Variants in MBNL2 observed in about 807,000 individuals in gnomAD.
MBNL2 encodes the protein muscleblind like splicing regulator 2.
A neutral mutation model predicts 41.9 loss-of-function variants in MBNL2; 17 were observed. That is an observed-to-expected ratio of 0.41 (90% CI 0.28 to 0.61). The LOEUF (loss-of-function observed/expected upper bound fraction) is 0.61, where lower values mean the gene tolerates loss of function less well. Among genes scored for constraint, MBNL2 ranks in the 20% least tolerant of loss-of-function variants. MBNL2 has a pLI of 0.35. For synonymous variants in MBNL2, 195 were observed against 182.9 expected (o/e 1.07, Z -0.53); for missense variants, 336 against 505.6 (o/e 0.66, Z 3.22).
At chr13:97,186,296 C>A in the MBNL2 span, among the ~76,000 whole-genome samples, 46 of 152,282 alleles carry the variant, frequency 3.0e-4, no homozygotes, top group Non-Finnish European at 6.3e-4. Flanking sequence ...AATCCTGCCC[C>A]TTCTCCTGTA....
Position 97,346,657 on chromosome 13 carries a change from C to T in MBNL2, c.541-147C>T, listed in dbSNP as rs2061899430. 1.7e-6 allele frequency: 1 copy of T among 605,012 alleles called. No individual in the cohort carries two copies. The highest frequency in any genetic ancestry group is 2.9e-5 in the East Asian group (1 of 34,862). The allele number at this position is 605,012 out of a possible 1,614,324, so 37.5% of individuals were successfully genotyped here. The stretch of plus-strand genomic sequence containing the variant: ...GTGTCAGAGATTGTGGTTACCTGGG[C>T]TCCGCATAATCAATCTTTTCTTGTC... On this transcript the variant is annotated intron_variant, in intron 4 of 8. Transcript: ENST00000679496. The surrounding 1 kb of genome is among the most constrained non-coding windows in gnomAD (Gnocchi z 4.2).
rs186626881 is a variant in MBNL2 at position 97,369,933 on chromosome 13, C to A, written c.1048+4762C>A. On this transcript the variant is annotated intron_variant, in intron 8 of 8. Transcript: ENST00000679496. ...TTCTGTTTCAGTTAAGGTATTTGGGCCTTAATAGACAAATTATACCTAATA... is the reference window on the plus strand; with the variant it reads ...TTCTGTTTCAGTTAAGGTATTTGGGACTTAATAGACAAATTATACCTAATA... 3.3e-5 allele frequency among the ~76,000 whole-genome samples: 5 copies of A among 152,054 alleles called. No individual in the cohort carries two copies. In the East Asian group the frequency reaches 7.7e-4, roughly 24 times the overall value.
intron 1 of MBNL2, among the ~76,000 whole-genome samples, chr13:97,224,016 A>C (rs1170817607): frequency 1.3e-5 from 2 of 152,326 alleles, no homozygotes; most frequent in South Asian, 4.1e-4. Context: ...TCTTTTGTAA[A>C]TTGTAAACCT....
chr13:97,201,563 A>G, the MBNL2 span, among the ~76,000 whole-genome samples: 1 of 152,052 alleles, frequency 6.6e-6, no homozygotes, highest in Non-Finnish European at 1.5e-5. Flanking sequence ...CAATGATTCT[A>G]TTTTTTTCAA....
intron 2 of MBNL2, among the ~76,000 whole-genome samples, chr13:97,325,469 G>A (rs906073067): frequency 3.9e-5 from 6 of 152,148 alleles, no homozygotes; most frequent in Non-Finnish European, 7.4e-5. Flanking sequence ...AGTGGCTCAC[G>A]CCTGTAATCC....
intron 1 of MBNL2, among the ~76,000 whole-genome samples, chr13:97,257,915 C>G (rs572776885): frequency 7.0e-4 from 107 of 152,234 alleles, no homozygotes; most frequent in Non-Finnish European, 1.2e-3. Context: ...CTCCCCATTT[C>G]TCTGTTGCAC....
At chr13:97,146,326 CCAA>C in the MBNL2 span, among the ~76,000 whole-genome samples, 1 of 152,064 alleles carries the variant, frequency 6.6e-6, no homozygotes, top group Non-Finnish European at 1.5e-5. Context: ...AAGAGTTTTG[CCAA>C]CAACAGATCC....
chr13:97,322,034 A>G (rs1012542353), intron 2 of MBNL2, among the ~76,000 whole-genome samples: 1 of 152,180 alleles, frequency 6.6e-6, no homozygotes, highest in African/African-American at 2.4e-5. Context: ...AGTCTCTGCT[A>G]TTTTTATCGA....
chr13:97,167,781 T>C, the MBNL2 span, among the ~76,000 whole-genome samples: 1 of 152,162 alleles, frequency 6.6e-6, no homozygotes, highest in Non-Finnish European at 1.5e-5. Flanking sequence ...ATTTTGAAAA[T>C]AGAAAATGAG....
chr13:97,374,355 G>C (rs1018135629), intron 8 of MBNL2, among the ~76,000 whole-genome samples: 3 of 150,408 alleles, frequency 2.0e-5, no homozygotes, highest in Non-Finnish European at 4.4e-5. Flanking sequence ...CACCGTGTTA[G>C]CCAGGATGGT....
intron 2 of MBNL2, among the ~76,000 whole-genome samples, chr13:97,301,943 C>G (rs1054588148): frequency 5.9e-5 from 9 of 152,188 alleles, no homozygotes; most frequent in Non-Finnish European, 1.3e-4. Flanking sequence ...CTCTACTCCT[C>G]TCAGATTTCT....
At chr13:97,265,478 G>A (rs1191646443) in intron 1 of MBNL2, among the ~76,000 whole-genome samples, 7 of 152,144 alleles carry the variant, frequency 4.6e-5, no homozygotes, top group Admixed American at 1.3e-4. Context: ...TGAAAGTTTG[G>A]AGTTAGTTTT....
Position 97,293,676 on chromosome 13 carries a change from T to G in MBNL2, c.174+17267T>G, listed in dbSNP as rs1317481959. ...TTGTATTTCTAACAATTTTTGCATT[T>G]CATAGAATGATACTGTGTTGTTCTG... On this transcript the variant is annotated intron_variant, in intron 2 of 8. Coordinates refer to ENST00000679496, the MANE Select transcript of MBNL2 (RefSeq NM_001382683.1). Among the ~76,000 whole-genome samples the G allele has an allele frequency of 5.9e-5, 9 of 152,254 alleles. No individual in the cohort carries two copies. In the East Asian group the frequency reaches 1.7e-3, roughly 29 times the overall value.
the MBNL2 span, among the ~76,000 whole-genome samples, chr13:97,213,763 C>T: frequency 6.6e-6 from 1 of 152,004 alleles, no homozygotes; most frequent in East Asian, 1.9e-4. Flanking sequence ...GGGTGGTGAT[C>T]CTAAAATAAA....
At chr13:97,243,148 A>G (rs1277093751) in intron 1 of MBNL2, among the ~76,000 whole-genome samples, 1 of 152,196 alleles carries the variant, frequency 6.6e-6, no homozygotes, top group East Asian at 1.9e-4. Flanking sequence ...TGGATGTGGG[A>G]GAGAGAGTTG....
chr13:97,208,290 T>G, the MBNL2 span, among the ~76,000 whole-genome samples: 1 of 152,204 alleles, frequency 6.6e-6, no homozygotes, highest in Non-Finnish European at 1.5e-5. Context: ...GGACCATTAT[T>G]TAGCAGGAAA....
chr13:97,171,240 T>C, the MBNL2 span, among the ~76,000 whole-genome samples: 1 of 152,174 alleles, frequency 6.6e-6, no homozygotes, highest in Non-Finnish European at 1.5e-5. Context: ...CGTTATCTCA[T>C]GTAATTCTCA....
the MBNL2 span, among the ~76,000 whole-genome samples, chr13:97,142,515 A>G: frequency 6.6e-6 from 1 of 152,244 alleles, no homozygotes; most frequent in Non-Finnish European, 1.5e-5. Context: ...AAAGTGAAAC[A>G]TACCTCCACA....
intron 2 of MBNL2, among the ~76,000 whole-genome samples, chr13:97,315,809 G>C (rs752704895): frequency 6.6e-6 from 1 of 152,048 alleles, no homozygotes; most frequent in African/African-American, 2.4e-5. Context: ...GATGTGGAAG[G>C]CCTTGCTCGT....
Sources: allele counts gnomAD v4.1 joint callset (sites outside exome capture counted in the v4.1 genomes callset), GRCh38; gene constraint gnomAD v4.1.1; non-coding constraint Gnocchi (gnomAD v3.1); transcripts MANE v1.5; gene names NCBI Gene and HGNC (gene_info 2026-07-23, HGNC 2026-07-21).